The following MYO1D variants were observed in gnomAD, a reference collection of about 807,000 sequenced individuals.
MYO1D encodes unconventional myosin-Id.
MYO1D carries 83 observed loss-of-function variants against 122.0 expected under a neutral mutation model. The observed-to-expected ratio is 0.68, with a 90% CI of 0.57 to 0.82. The LOEUF (loss-of-function observed/expected upper bound fraction) is 0.82, where lower values mean the gene tolerates loss of function less well. Ranked by LOEUF, MYO1D falls within the 40% of genes least tolerant of loss-of-function variation. The pLI is 0.00. For missense variants in MYO1D, 1,157 were observed against 1,269.5 expected, an observed-to-expected ratio of 0.91 and a Z score of 1.35; for synonymous variants, 464 against 446.9, an observed-to-expected ratio of 1.04 and a Z score of -0.48.
At chr17:32,655,962 G>A (rs78955923) in intron 17 of MYO1D, among the ~76,000 whole-genome samples, 9,907 of 152,228 alleles carry the variant, frequency 0.065, 389 homozygotes, top group East Asian at 0.19. Context: ...CAATGGATTA[G>A]ATGTGGGGGC....
intron 5 of MYO1D, among the ~76,000 whole-genome samples, chr17:32,772,335 A>G (rs1265925417): frequency 6.6e-6 from 1 of 152,200 alleles, no homozygotes; most frequent in Admixed American, 6.5e-5. Context: ...ATAAATCCAG[A>G]TTGTTTTTTT....
intron 21 of MYO1D, among the ~76,000 whole-genome samples, chr17:32,557,866 A>G (rs1384930776): frequency 1.3e-5 from 2 of 151,918 alleles, no homozygotes; most frequent in Admixed American, 6.5e-5. Flanking sequence ...TTTTATGGGA[A>G]CACAGCCACG....
At chr17:32,583,539 C>T (rs2087360851) in intron 21 of MYO1D, among the ~76,000 whole-genome samples, 2 of 152,148 alleles carry the variant, frequency 1.3e-5, no homozygotes, top group South Asian at 4.1e-4. Context: ...TCCCACAGTT[C>T]CCTGATGACT....
chr17:32,696,046 T>C (rs1010725132), intron 16 of MYO1D, among the ~76,000 whole-genome samples: 1 of 152,214 alleles, frequency 6.6e-6, no homozygotes, highest in African/African-American at 2.4e-5. Flanking sequence ...CCAGAGACTA[T>C]ATCACATGTG....
intron 19 of MYO1D, among the ~76,000 whole-genome samples, chr17:32,646,134 T>C (rs1337776709): frequency 6.6e-6 from 1 of 152,120 alleles, no homozygotes; most frequent in Non-Finnish European, 1.5e-5. Context: ...CAGGATCCCA[T>C]GAATATATTA....
intron 1 of MYO1D, among the ~76,000 whole-genome samples, chr17:32,806,025 A>G (rs367591483): frequency 1.2e-4 from 19 of 152,270 alleles, no homozygotes; most frequent in African/African-American, 4.6e-4. Flanking sequence ...TTGGGAGGCC[A>G]AGGTGGGCGG....
chr17:32,690,842 A>G (rs1598012093), intron 16 of MYO1D, among the ~76,000 whole-genome samples: 1 of 152,166 alleles, frequency 6.6e-6, no homozygotes, highest in African/African-American at 2.4e-5. Flanking sequence ...CTTATAAATT[A>G]CCCAGCCACA....
chr17:32,610,081 C>A (rs2087680204), intron 20 of MYO1D, among the ~76,000 whole-genome samples: 1 of 152,144 alleles, frequency 6.6e-6, no homozygotes, highest in Non-Finnish European at 1.5e-5. Context: ...AGTAACTCTG[C>A]CAGCATATCC....
At chr17:32,687,436 A>G (rs1184155039) in intron 16 of MYO1D, among the ~76,000 whole-genome samples, 1 of 152,074 alleles carries the variant, frequency 6.6e-6, no homozygotes, top group Non-Finnish European at 1.5e-5. Context: ...TGACCTCATG[A>G]TCCACCCGCC....
chr17:32,837,783 T>C (rs1469493508), intron 1 of MYO1D, among the ~76,000 whole-genome samples: 1 of 152,156 alleles, frequency 6.6e-6, no homozygotes, highest in African/African-American at 2.4e-5. Context: ...ATCAGTCTGA[T>C]AGGACAAAAA....
intron 21 of MYO1D, among the ~76,000 whole-genome samples, chr17:32,538,469 A>ATTTT (rs61287547): frequency 8.8e-6 from 1 of 113,520 alleles, no homozygotes; most frequent in Non-Finnish European, 1.9e-5. Context: ...TATTATTATT[A>ATTTT]TTTTTTTTTT....
At chr17:32,750,404 G>A (rs2089886729) in intron 11 of MYO1D, among the ~76,000 whole-genome samples, 1 of 152,072 alleles carries the variant, frequency 6.6e-6, no homozygotes, top group South Asian at 2.1e-4. Flanking sequence ...CCGAGGTCAG[G>A]AGATTGAGAC....
intron 21 of MYO1D, among the ~76,000 whole-genome samples, chr17:32,537,868 C>G (rs1022745692): frequency 6.6e-6 from 1 of 152,058 alleles, no homozygotes; most frequent in African/African-American, 2.4e-5. Flanking sequence ...AAAAGTAAAG[C>G]TATAGTTGTC....
At chr17:32,784,183 C>T (rs1396168369) in intron 1 of MYO1D, among the ~76,000 whole-genome samples, 1 of 152,176 alleles carries the variant, frequency 6.6e-6, no homozygotes, top group African/African-American at 2.4e-5. Context: ...ACACTTCCAC[C>T]CACCAAAACC....
intron 15 of MYO1D, among the ~76,000 whole-genome samples, chr17:32,717,941 T>A (rs2089466881): frequency 6.6e-6 from 1 of 152,180 alleles, no homozygotes; most frequent in Non-Finnish European, 1.5e-5. Flanking sequence ...TCCCCTATTC[T>A]TGGTGTTCTT....
intron 15 of MYO1D, among the ~76,000 whole-genome samples, chr17:32,714,928 T>C (rs1310022690): frequency 1.3e-5 from 2 of 151,802 alleles, no homozygotes; most frequent in African/African-American, 2.4e-5. Flanking sequence ...AAAGGACTAA[T>C]ATCCAGAATC....
chr17:32,589,485 G>A (rs1443010318), intron 21 of MYO1D, among the ~76,000 whole-genome samples: 1 of 152,230 alleles, frequency 6.6e-6, no homozygotes, highest in Non-Finnish European at 1.5e-5. Context: ...CCAGGGAGTA[G>A]GGCAATGTAA....
chr17:32,494,012 G>A lies in MYO1D; in HGVS notation c.*747C>T, dbSNP rs1045853276. The A allele has an allele frequency of 2.6e-5, 4 of 152,318 alleles. No homozygotes were observed. Among genetic ancestry groups the A allele is most frequent in the Admixed American group, 2.6e-4 (4 of 15,286 alleles). The allele number at this position is 152,318 out of a possible 1,614,324, so 9.4% of individuals were successfully genotyped here. On this transcript the variant is annotated 3_prime_UTR_variant, in exon 22 of 22. Coordinates refer to ENST00000318217, the MANE Select transcript of MYO1D (RefSeq NM_015194.3). ...CAAACGGTGAAAGTATCTATAAGAG[G>A]ACCACAGCCACAGGCTGCGAGTTAA...
At chr17:32,876,753 C>G (rs995513693) in intron 1 of MYO1D, 25 bp downstream of exon 1, 1 of 1,485,904 alleles carries the variant, frequency 6.7e-7, no homozygotes, top group African/African-American at 1.5e-5. Context: ...CCTCGCGCCC[C>G]TGCGCGCGGC....
Sources: gnomAD v4.1 joint callset for allele counts (sites outside exome capture counted in the v4.1 genomes callset) on GRCh38, gnomAD v4.1.1 for gene constraint, MANE v1.5 for transcripts, NCBI Gene and HGNC (gene_info 2026-07-23, HGNC 2026-07-21) for gene names.